The following DNAJC11 variants were observed in gnomAD, a reference collection of about 807,000 sequenced individuals.
The protein encoded by DNAJC11 is DnaJ heat shock protein family (Hsp40) member C11, also known as dnaJ homolog subfamily C member 11.
A neutral mutation model predicts 78.6 loss-of-function variants in DNAJC11; 15 were observed. The ratio of observed to expected loss-of-function variants is 0.19; its 90% CI spans 0.13 to 0.29. DNAJC11 has a LOEUF of 0.29. Ranked by LOEUF, DNAJC11 falls within the 10% of genes least tolerant of loss-of-function variation. The pLI, the probability that DNAJC11 is intolerant of heterozygous loss-of-function variation, is 1.00. For synonymous variants in DNAJC11, 292 were observed against 272.1 expected (o/e 1.07, Z -0.72); for missense variants, 547 against 709.6 (o/e 0.77, Z 2.60).
intron 11 of DNAJC11, among the ~76,000 whole-genome samples, chr1:6,639,631 C>T (rs547581065): frequency 1.3e-5 from 2 of 152,234 alleles, no homozygotes; most frequent in East Asian, 1.9e-4. Flanking sequence ...CACGCCCAGC[C>T]GAGGCCCAAC....
chr1:6,649,646 T>G (rs554551113), intron 7 of DNAJC11, among the ~76,000 whole-genome samples: 1 of 152,142 alleles, frequency 6.6e-6, no homozygotes, highest in Non-Finnish European at 1.5e-5. Flanking sequence ...GGGCAGGGAT[T>G]AGGTCAACCC....
intron 14 of DNAJC11, among the ~76,000 whole-genome samples, chr1:6,636,960 C>T (rs567076509): frequency 9.2e-5 from 14 of 152,294 alleles, no homozygotes; most frequent in East Asian, 3.9e-4. Flanking sequence ...CCAATCCTTC[C>T]GCTTCAGCCT....
intron 10 of DNAJC11, 49 bp downstream of exon 10, chr1:6,644,509 G>T: frequency 7.6e-7 from 1 of 1,308,704 alleles, no homozygotes; most frequent in Non-Finnish European, 1.1e-6. Flanking sequence ...GCCTGGTTGA[G>T]TGAAGGTGAC....
intron 3 of DNAJC11, among the ~76,000 whole-genome samples, chr1:6,676,971 C>T (rs372611059): frequency 1.6e-3 from 247 of 151,894 alleles, no homozygotes; most frequent in African/African-American, 5.7e-3. Context: ...GTCAGGAGTT[C>T]GAGACCAGCC....
chr1:6,697,325 G>A lies in DNAJC11; in HGVS notation c.72+4404C>T, dbSNP rs541967823. On this transcript the variant is annotated intron_variant, in intron 1 of 15. Coordinates refer to ENST00000377577, the MANE Select transcript of DNAJC11 (RefSeq NM_018198.4). ...CTCTCTCCAACGGCGGCAACAATGG[G>A]GTCTCCAACCTTTTAGCACCACGGA... is the stretch of plus-strand genomic sequence containing the variant. Among the ~76,000 whole-genome samples, 47 of 152,282 alleles carry A rather than the reference G, an allele frequency of 3.1e-4. No individual in the cohort carries two copies. In the South Asian group the frequency reaches 9.5e-3, roughly 31 times the overall value.
chr1:6,680,850 C>T lies in DNAJC11; in HGVS notation c.202+58G>A. 6.3e-7 allele frequency: 1 copy of T among 1,594,030 alleles called. No homozygotes were observed. The highest frequency in any genetic ancestry group is 8.6e-7 in the Non-Finnish European group (1 of 1,166,398). On this transcript the variant is annotated intron_variant, in intron 2 of 15. Transcript: ENST00000377577. The surrounding 1 kb of genome is among the most constrained non-coding windows in gnomAD (Gnocchi z 4.0). Reference sequence around the variant, plus strand: ...TTTCTATCCTCTACAAATCGCACCTCCTAAAAATCGAATATCTGTTACCAG... The same window carrying T: ...TTTCTATCCTCTACAAATCGCACCTTCTAAAAATCGAATATCTGTTACCAG...
At chr1:6,644,936 C>A in intron 9 of DNAJC11, 105 bp downstream of exon 9, 1 of 1,103,432 alleles carries the variant, frequency 9.1e-7, no homozygotes, top group South Asian at 1.3e-5. Context: ...ATGTCACACA[C>A]ACGTAGATAT....
At chr1:6,641,377 CAAAAAA>C (rs138659014) in intron 10 of DNAJC11, among the ~76,000 whole-genome samples, 5 of 106,722 alleles carry the variant, frequency 4.7e-5, no homozygotes, top group African/African-American at 1.5e-4. Context: ...ACTCCGTCTC[CAAAAAA>C]AAAAAAAATA....
intron 4 of DNAJC11, among the ~76,000 whole-genome samples, chr1:6,658,177 G>A (rs1642159776): frequency 6.6e-6 from 1 of 152,180 alleles, no homozygotes; most frequent in African/African-American, 2.4e-5. Context: ...AGGGCTCCGG[G>A]ATGCCACTGA....
intron 3 of DNAJC11, among the ~76,000 whole-genome samples, chr1:6,668,431 G>A (rs11576531): frequency 6.6e-6 from 1 of 152,228 alleles, no homozygotes; most frequent in African/African-American, 2.4e-5. Context: ...GAGCCACTGC[G>A]CCGGCCTACC....
In DNAJC11 at chr1:6,669,513, T is replaced by TAAGAAA. The variant is rs535333392; in HGVS notation, c.277-1704_277-1703insTTTCTT. 7.2e-4 allele frequency among the ~76,000 whole-genome samples: 88 copies of TAAGAAA among 121,850 alleles called. 1 individual carries two copies. The highest frequency in any genetic ancestry group is 7.5e-3 in the Middle Eastern group (2 of 268). 79.9% of individuals were successfully genotyped at this position (121,850 alleles called of 152,430 possible). ...GCAACATGAGCAAGAAACTCTGTCT[T>TAAGAAA]AGAAAAGAAAAGAAAAGAAAAGAAA... On this transcript the variant is annotated intron_variant, in intron 3 of 15. Transcript: ENST00000377577.
rs539165084 is a variant in DNAJC11, at chr1:6,667,878, C to T, written c.277-68G>A. 2.6e-4 allele frequency: 381 copies of T among 1,463,904 alleles called. 1 individual carries two copies. The Middle Eastern group carries it at 3.1e-3, about 12-fold the overall frequency. 90.7% of individuals were successfully genotyped at this position (1,463,904 alleles called of 1,614,324 possible). On this transcript the variant is annotated intron_variant, in intron 3 of 15. Coordinates refer to ENST00000377577, the MANE Select transcript of DNAJC11 (RefSeq NM_018198.4). ...AGGTAAGGGAAACGTACACAAAGAG[C>T]TGCAGCCATTGATTTTGGTGTGTGC...
chr1:6,678,637 G>A (rs372515309), intron 2 of DNAJC11, among the ~76,000 whole-genome samples, 170 bp from the exon 3 acceptor site: 18 of 152,022 alleles, frequency 1.2e-4, no homozygotes, highest in South Asian at 8.3e-4. Context: ...CTGCTTTTTC[G>A]ATTCAACCTA....
Position 6,637,483 on chromosome 1 carries a change from C to A in DNAJC11, c.1345G>T (p.Val449Phe). Reference sequence around the variant, plus strand: ...TCTTCTGCCTCAATTATCCTTCGGACAGATTCCTGCATCAGCCGGACCTGC... The same window carrying A: ...TCTTCTGCCTCAATTATCCTTCGGAAAGATTCCTGCATCAGCCGGACCTGC... ...ESAVRLMQES[V>F]RRIIEAEESR... Residue 449 changes from valine to phenylalanine, a missense_variant, in exon 13 of 16, where the codon GTC (valine) becomes TTC (phenylalanine). By Grantham distance (50) the Val-to-Phe change is conservative. Coordinates refer to ENST00000377577, the MANE Select transcript of DNAJC11 (RefSeq NM_018198.4). 1 of 1,614,234 alleles carries A rather than the reference C, an allele frequency of 6.2e-7. No homozygotes were observed. Among genetic ancestry groups the A allele is most frequent in the Non-Finnish European group, 8.5e-7 (1 of 1,180,042 alleles).
At chr1:6,678,284 A>T in intron 3 of DNAJC11, 110 bp downstream of exon 3, 1 of 1,173,750 alleles carries the variant, frequency 8.5e-7, no homozygotes, top group Non-Finnish European at 1.3e-6. Context: ...GGGGGCTCTA[A>T]TGGTTTCAAA....
chr1:6,638,227 G>A (rs1641816759), intron 12 of DNAJC11, 68 bp downstream of exon 12: 1 of 1,506,628 alleles, frequency 6.6e-7, no homozygotes, highest in Non-Finnish European at 9.0e-7. Context: ...AAGGCCCTGA[G>A]ACCAACATGT....
Position 6,636,307 on chromosome 1 carries a change from C to T in DNAJC11, c.1525-61G>A, listed in dbSNP as rs552665921. 1.1e-5 allele frequency: 18 copies of T among 1,597,320 alleles called. No homozygotes were observed. In the African/African-American group the frequency reaches 2.0e-4, roughly 18 times the overall value. ...ACGGTCTAAGACCAGCACTCCTCCT[C>T]ACTACCACCGGAGGGGCAGTGTGCA... On this transcript the variant is annotated intron_variant, in intron 14 of 15. Transcript: ENST00000377577.
At position 6,653,837 on chromosome 1, in the gene DNAJC11, TC is replaced by T; in HGVS notation, c.507+73del. Reference sequence around the variant, plus strand: ...AGAAAAACCCTGGGCAGACTCTCATTCCAGCTGCTTGGTGTGCTGTGCCTCA... The same window carrying T: ...AGAAAAACCCTGGGCAGACTCTCATTCAGCTGCTTGGTGTGCTGTGCCTCA... On this transcript the variant is annotated intron_variant, in intron 5 of 15. Transcript: ENST00000377577. The surrounding 1 kb of genome is among the most constrained non-coding windows in gnomAD (Gnocchi z 4.5). 2 of 1,566,114 alleles carry T rather than the reference TC, an allele frequency of 1.3e-6. No individual in the cohort carries two copies. Among genetic ancestry groups the T allele is most frequent in the Non-Finnish European group, 1.7e-6 (2 of 1,145,070 alleles).
At chr1:6,689,113 T>C (rs1418262921) in intron 1 of DNAJC11, among the ~76,000 whole-genome samples, 1 of 152,186 alleles carries the variant, frequency 6.6e-6, no homozygotes, top group East Asian at 1.9e-4. Flanking sequence ...TCATACAAGG[T>C]TTCTGGGTAG....
Sources: allele counts gnomAD v4.1 joint callset (sites outside exome capture counted in the v4.1 genomes callset), GRCh38; gene constraint gnomAD v4.1.1; non-coding constraint Gnocchi (gnomAD v3.1); transcripts MANE v1.5; gene names NCBI Gene and HGNC (gene_info 2026-07-23, HGNC 2026-07-21).